The following VPS13B variants were observed in gnomAD, a reference collection of about 807,000 sequenced individuals.
VPS13B encodes the protein vacuolar protein sorting 13 homolog B.
In VPS13B, 285 loss-of-function variants were observed where a neutral mutation model predicts 426.4. That is an observed-to-expected ratio of 0.67 (90% CI 0.61 to 0.74). The LOEUF is 0.74. VPS13B is among the 30% of genes least tolerant of loss of function. VPS13B has a pLI of 0.00. For missense variants in VPS13B, 4,537 were observed against 4,782.6 expected, an observed-to-expected ratio of 0.95 and a Z score of 1.51; for synonymous variants, 1,676 against 1,676.4, an observed-to-expected ratio of 1.00 and a Z score of 0.01.
intron 3 of VPS13B, among the ~76,000 whole-genome samples, chr8:99,055,044 G>GTTTTT (rs397779213): frequency 2.1e-5 from 3 of 141,878 alleles, no homozygotes; most frequent in Non-Finnish European, 3.0e-5. Context: ...TTTTTTTTTT[G>GTTTTT]TTTTTTTTTT....
chr8:99,511,366 A>C lies in VPS13B; in HGVS notation c.4487A>C (p.Lys1496Thr). Residue 1496 changes from lysine to threonine, a missense_variant, in exon 29 of 62, where the codon AAG (lysine) becomes ACG (threonine). Lys to Thr is a moderately conservative substitution (Grantham distance 78). Around this residue, in one of 2 missense-constraint regions of VPS13B, gnomAD observed 4,311 missense variants for 4,474.3 expected, o/e 0.96. Transcript: ENST00000357162. The stretch of plus-strand genomic sequence containing the variant: ...AGTATATTTCAAGCAAAACTACCAA[A>C]GACCCAAAAAGAGAAAAGAAAATCT... ...IASIFQAKLP[K>T]TQKEKRKSPG... 1 of 1,614,008 alleles carries C rather than the reference A, an allele frequency of 6.2e-7. No homozygotes were observed. The highest frequency in any genetic ancestry group is 1.7e-5 in the Admixed American group (1 of 60,004).
chr8:99,312,208 A>G (rs1434465534), intron 19 of VPS13B, among the ~76,000 whole-genome samples: 2 of 152,112 alleles, frequency 1.3e-5, no homozygotes, highest in African/African-American at 4.8e-5. Flanking sequence ...TGATCCTGTC[A>G]TTATGATGTT....
At chr8:99,163,342 G>A (rs1015392599) in intron 15 of VPS13B, among the ~76,000 whole-genome samples, 3 of 152,230 alleles carry the variant, frequency 2.0e-5, no homozygotes, top group Non-Finnish European at 2.9e-5. Flanking sequence ...TTCACCTAGT[G>A]GATCCCGCAC....
intron 35 of VPS13B, among the ~76,000 whole-genome samples, chr8:99,676,107 C>T (rs1400018777): frequency 6.6e-6 from 1 of 152,060 alleles, no homozygotes. Flanking sequence ...TGCCCTTCAA[C>T]AGTAAGCCTG....
intron 3 of VPS13B, among the ~76,000 whole-genome samples, chr8:99,045,403 T>C (rs1488078093): frequency 6.6e-6 from 1 of 152,052 alleles, no homozygotes; most frequent in African/African-American, 2.4e-5. Flanking sequence ...TGGGATTGTT[T>C]TTTTTTTCTT....
At position 99,817,720 on chromosome 8, in the gene VPS13B, T is replaced by C; in HGVS notation, c.8278T>C (p.Cys2760Arg). ...ILENNELTEL[C>R]VKAKGDEDWS... ...AGAAAACAATGAACTGACGGAGCTGTGTGTGAAGGCCAAAGGAGATGAAGA... is the reference window on the plus strand; with the variant it reads ...AGAAAACAATGAACTGACGGAGCTGCGTGTGAAGGCCAAAGGAGATGAAGA... Residue 2760 changes from cysteine (C) to arginine (R), a missense_variant, in exon 45 of 62, where the codon TGT becomes CGT. Around this residue, in one of 2 missense-constraint regions of VPS13B, gnomAD observed 4,311 missense variants for 4,474.3 expected, o/e 0.96. Coordinates refer to ENST00000357162, the MANE Select transcript of VPS13B (RefSeq NM_152564.5). The C allele has an allele frequency of 3.7e-6, 6 of 1,614,068 alleles. No individual in the cohort carries two copies. Among genetic ancestry groups the C allele is most frequent in the Non-Finnish European group, 5.1e-6 (6 of 1,179,976 alleles).
intron 35 of VPS13B, among the ~76,000 whole-genome samples, chr8:99,677,859 TAAA>T (rs2129949274): frequency 6.6e-6 from 1 of 152,324 alleles, no homozygotes; most frequent in African/African-American, 2.4e-5. Flanking sequence ...TTAGAAGAGA[TAAA>T]GAACATTTTC....
rs201365490 is a variant in VPS13B, at chr8:99,195,907, G to GTA, written c.2515+2851_2515+2852dup. On this transcript the variant is annotated intron_variant, in intron 17 of 61. Transcript: ENST00000357162. Reference sequence around the variant, plus strand: ...TTTATTTTGGATTCTGTCTTGTTTTGTAGGTTGATGTGTCTGTCTTCATGC... The same window carrying GTA: ...TTTATTTTGGATTCTGTCTTGTTTTGTATAGGTTGATGTGTCTGTCTTCATGC... Among the ~76,000 whole-genome samples, 1,468 of 152,224 alleles carry GTA rather than the reference G, an allele frequency of 9.6e-3. 20 individuals are homozygous for GTA. The highest frequency in any genetic ancestry group is 0.014 in the Non-Finnish European group (933 of 67,982).
chr8:99,848,157 AT>A (rs1383285089), intron 54 of VPS13B, among the ~76,000 whole-genome samples: 1 of 152,184 alleles, frequency 6.6e-6, no homozygotes, highest in Non-Finnish European at 1.5e-5. Context: ...TGGCACCTGG[AT>A]CCTGAGGTAG....
chr8:99,855,502 T>G (rs1313805654), intron 56 of VPS13B, among the ~76,000 whole-genome samples: 1 of 152,120 alleles, frequency 6.6e-6, no homozygotes, highest in Non-Finnish European at 1.5e-5. Context: ...ATAATTGGGT[T>G]CCCAGAAATT....
chr8:99,407,829 G>A (rs1383210585), intron 21 of VPS13B, among the ~76,000 whole-genome samples: 1 of 152,152 alleles, frequency 6.6e-6, no homozygotes, highest in Non-Finnish European at 1.5e-5. Context: ...AGAATGCAAT[G>A]TAATAAGATT....
intron 21 of VPS13B, among the ~76,000 whole-genome samples, chr8:99,407,977 C>G (rs945245183): frequency 2.0e-5 from 3 of 152,162 alleles, no homozygotes; most frequent in Non-Finnish European, 4.4e-5. Flanking sequence ...CTGCTATGTT[C>G]TTCAACCTGT....
At chr8:99,807,640 A>T (rs1333361236) in intron 43 of VPS13B, among the ~76,000 whole-genome samples, 1 of 151,690 alleles carries the variant, frequency 6.6e-6, no homozygotes, top group Non-Finnish European at 1.5e-5. Flanking sequence ...ATATAAGACC[A>T]TATTTTCCCT....
At chr8:99,076,170 A>T (rs112832990) in intron 3 of VPS13B, among the ~76,000 whole-genome samples, 31 of 152,212 alleles carry the variant, frequency 2.0e-4, no homozygotes, top group Non-Finnish European at 3.4e-4. Context: ...ACAGTTTCCA[A>T]TGTTCCTCTT....
intron 33 of VPS13B, among the ~76,000 whole-genome samples, chr8:99,616,517 T>G (rs1008345674): frequency 3.9e-5 from 6 of 152,150 alleles, no homozygotes; most frequent in Non-Finnish European, 7.4e-5. Context: ...GAAATGATGT[T>G]AACAAGAAAG....
intron 35 of VPS13B, among the ~76,000 whole-genome samples, chr8:99,671,358 G>T (rs1455570874): frequency 6.6e-6 from 1 of 151,884 alleles, no homozygotes; most frequent in Non-Finnish European, 1.5e-5. Context: ...TGTGTTGTTT[G>T]AATTTCTCAT....
intron 16 of VPS13B, among the ~76,000 whole-genome samples, chr8:99,182,946 G>A (rs1345615180): frequency 6.6e-6 from 1 of 152,054 alleles, no homozygotes; most frequent in Admixed American, 6.5e-5. Flanking sequence ...GTTTCATTAT[G>A]TTGGCCAGAC....
intron 19 of VPS13B, among the ~76,000 whole-genome samples, chr8:99,285,832 C>G (rs978545801): frequency 6.6e-6 from 1 of 152,170 alleles, no homozygotes; most frequent in Non-Finnish European, 1.5e-5. Context: ...GAAAAAACCT[C>G]ATTCTACTGA....
intron 35 of VPS13B, among the ~76,000 whole-genome samples, chr8:99,692,407 C>A (rs1831720291): frequency 7.1e-6 from 1 of 140,906 alleles, no homozygotes; most frequent in African/African-American, 2.7e-5. Context: ...AGCCGCTCAA[C>A]TACATGGAAA....
Sources: allele counts gnomAD v4.1 joint callset (sites outside exome capture counted in the v4.1 genomes callset), GRCh38; gene constraint gnomAD v4.1.1; regional missense constraint gnomAD v4.1.1; transcripts MANE v1.5; gene names NCBI Gene and HGNC (gene_info 2026-07-23, HGNC 2026-07-21).